The following OPHN1 variants were observed in gnomAD, a reference collection of about 807,000 sequenced individuals.
The protein encoded by OPHN1 is oligophrenin-1.
OPHN1 carries 11 observed loss-of-function variants against 60.7 expected under a neutral mutation model. The ratio of observed to expected loss-of-function variants is 0.18; its 90% confidence interval spans 0.11 to 0.30. OPHN1 has a LOEUF of 0.30. Among genes scored for constraint, OPHN1 ranks in the 10% least tolerant of loss-of-function variants. OPHN1 has a pLI of 1.00. For missense variants in OPHN1, 449 were observed against 611.0 expected (o/e 0.73, Z 2.80); for synonymous variants, 226 against 222.6 (o/e 1.02, Z -0.14).
intron 2 of OPHN1, among the ~76,000 whole-genome samples, chrX:68,311,495 C>T (rs1299824816): frequency 1.8e-5 from 2 of 111,523 alleles, no homozygotes; most frequent in Admixed American, 9.6e-5. Context: ...TGCAGTGATG[C>T]AATCTGGGCT....
chrX:68,144,548 C>T (rs1180841828), intron 15 of OPHN1, among the ~76,000 whole-genome samples: 3 of 111,674 alleles, frequency 2.7e-5, no homozygotes, highest in African/African-American at 9.8e-5. Flanking sequence ...AAGAAAACAT[C>T]AGGAACTTAG....
At chrX:68,375,701 C>A (rs2078553230) in intron 2 of OPHN1, among the ~76,000 whole-genome samples, 1 of 99,371 alleles carries the variant, frequency 1.0e-5, no homozygotes, top group Non-Finnish European at 1.9e-5. Context: ...CAGGCACATG[C>A]CACCACACCC....
At chrX:68,126,464 A>T (rs754180598) in intron 15 of OPHN1, among the ~76,000 whole-genome samples, 1 of 108,697 alleles carries the variant, frequency 9.2e-6, no homozygotes, top group African/African-American at 3.4e-5. Context: ...TTTTTTTTTG[A>T]GACAGAGTCT....
At chrX:68,298,702 C>T (rs762837927) in intron 3 of OPHN1, among the ~76,000 whole-genome samples, 82 of 112,075 alleles carry the variant, frequency 7.3e-4, no homozygotes, top group African/African-American at 2.6e-3. Flanking sequence ...CAAAAAAGTC[C>T]CCCTTTTAAT....
At chrX:68,317,419 GGAA>G (rs1569278221) in intron 2 of OPHN1, among the ~76,000 whole-genome samples, 4 of 94,031 alleles carry the variant, frequency 4.3e-5, no homozygotes, top group African/African-American at 1.6e-4. Flanking sequence ...AAGGAAGGAA[GGAA>G]GGAGCGAGGG....
intron 20 of OPHN1, among the ~76,000 whole-genome samples, chrX:68,064,808 A>G (rs1159926001): frequency 8.9e-6 from 1 of 111,832 alleles, no homozygotes; most frequent in East Asian, 2.8e-4. Context: ...TTTGAAAACT[A>G]ATTTTTTAGT....
At chrX:68,271,634 C>A (rs1425229926) in intron 5 of OPHN1, among the ~76,000 whole-genome samples, 1 of 111,257 alleles carries the variant, frequency 9.0e-6, no homozygotes, top group African/African-American at 3.3e-5. Context: ...AAGCAGGAGG[C>A]AACTCACCAG....
intron 16 of OPHN1, among the ~76,000 whole-genome samples, chrX:68,114,513 C>A (rs2077119095): frequency 9.0e-6 from 1 of 111,345 alleles, no homozygotes; most frequent in African/African-American, 3.3e-5. Context: ...GTAATCCCAG[C>A]ACTTTGGGAG....
chrX:68,129,521 C>T (rs955407211), intron 15 of OPHN1, among the ~76,000 whole-genome samples: 20 of 111,868 alleles, frequency 1.8e-4, no homozygotes, highest in African/African-American at 5.8e-4. Context: ...AAGCCATCTA[C>T]CATGTAATGT....
intron 15 of OPHN1, among the ~76,000 whole-genome samples, chrX:68,165,235 A>C (rs1325781112): frequency 8.9e-6 from 1 of 112,085 alleles, no homozygotes; most frequent in East Asian, 2.8e-4. Context: ...TCTCATTTGC[A>C]TTCACAACTT....
At chrX:68,184,063 G>A (rs1434823641) in intron 15 of OPHN1, among the ~76,000 whole-genome samples, 1 of 111,818 alleles carries the variant, frequency 8.9e-6, no homozygotes, top group African/African-American at 3.3e-5. Context: ...TCGGAGGGGG[G>A]AGGGATAGCA....
At chrX:68,357,528 T>C (rs1481430390) in intron 2 of OPHN1, among the ~76,000 whole-genome samples, 1 of 110,210 alleles carries the variant, frequency 9.1e-6, no homozygotes, top group East Asian at 2.9e-4. Context: ...TTGCGATAGT[T>C]TGCTGAGAAT....
chrX:68,068,427 C>T (rs1329923988), intron 20 of OPHN1, among the ~76,000 whole-genome samples: 3 of 96,736 alleles, frequency 3.1e-5, no homozygotes, highest in Non-Finnish European at 4.1e-5. Flanking sequence ...GCTGAGATCG[C>T]GCCATTGCAC....
intron 24 of OPHN1, 47 bp from the exon 25 acceptor site, chrX:68,047,210 T>C (rs751592885): frequency 1.8e-5 from 2 of 111,629 alleles, no homozygotes; most frequent in Non-Finnish European, 3.8e-5. Context: ...ACTGGTCAAG[T>C]ACTTAACAGC....
intron 2 of OPHN1, among the ~76,000 whole-genome samples, chrX:68,334,054 C>T: frequency 9.2e-6 from 1 of 109,069 alleles, no homozygotes; most frequent in Non-Finnish European, 1.9e-5. Context: ...TGCGCTACCA[C>T]ACCCATTTAA....
At chrX:68,239,016 T>A (rs868026925) in intron 5 of OPHN1, among the ~76,000 whole-genome samples, 1 of 110,975 alleles carries the variant, frequency 9.0e-6, no homozygotes. Context: ...ATACATGGGA[T>A]TGGAGAATGA....
chrX:68,220,074 C>T (rs1288842068), intron 6 of OPHN1, among the ~76,000 whole-genome samples: 19 of 103,468 alleles, frequency 1.8e-4, no homozygotes, highest in Admixed American at 1.1e-3. Context: ...ATCAAATAGA[C>T]GCAATAAAAA....
intron 15 of OPHN1, among the ~76,000 whole-genome samples, chrX:68,124,532 T>C (rs1019929985): frequency 5.4e-5 from 6 of 111,790 alleles, no homozygotes; most frequent in African/African-American, 2.0e-4. Context: ...CGACTTAATC[T>C]GCACTATGGA....
intron 5 of OPHN1, among the ~76,000 whole-genome samples, chrX:68,268,436 A>C (rs2077945727): frequency 8.9e-6 from 1 of 112,143 alleles, no homozygotes. Context: ...CTGGTTCAAC[A>C]TATGCAAATC....
Sources: gnomAD v4.1 joint callset for allele counts (sites outside exome capture counted in the v4.1 genomes callset) on GRCh38, gnomAD v4.1.1 for gene constraint, MANE v1.5 for transcripts, NCBI Gene and HGNC (gene_info 2026-07-23, HGNC 2026-07-21) for gene names.